RBFOX1: variants seen among roughly 807,000 people sequenced by gnomAD.
The protein encoded by RBFOX1 is RNA binding protein fox-1 homolog 1.
A neutral mutation model predicts 57.7 loss-of-function variants in RBFOX1; 8 were observed. The ratio of observed to expected loss-of-function variants is 0.14; its 90% CI spans 0.08 to 0.25. The LOEUF (loss-of-function observed/expected upper bound fraction) is 0.25, where lower values mean the gene tolerates loss of function less well. RBFOX1 is among the 10% of genes least tolerant of loss of function. The pLI is 1.00. For synonymous variants in RBFOX1, 326 were observed against 222.4 expected, an observed-to-expected ratio of 1.47 and a Z score of -4.15; for missense variants, 611 against 548.5, an observed-to-expected ratio of 1.11 and a Z score of -1.14.
chr16:5,874,297 G>A (rs2215260), intron 4 of RBFOX1, among the ~76,000 whole-genome samples: 45,123 of 151,968 alleles, frequency 0.3, 7,105 homozygotes, highest in African/African-American at 0.38. Context: ...TGAAGGAAAG[G>A]CAGGAGTTGG....
chr16:7,622,103 T>C (rs1596665374), intron 10 of RBFOX1, among the ~76,000 whole-genome samples: 1 of 151,986 alleles, frequency 6.6e-6, no homozygotes, highest in Non-Finnish European at 1.5e-5. Flanking sequence ...AGGGGAGCAG[T>C]TGGATTTGGC....
intron 4 of RBFOX1, among the ~76,000 whole-genome samples, chr16:7,438,468 C>T (rs1029084659): frequency 2.0e-5 from 3 of 152,008 alleles, no homozygotes; most frequent in African/African-American, 7.2e-5. Context: ...GGAGAGATGG[C>T]GGGACAATAA....
chr16:5,398,444 C>T (rs1190797065), intron 1 of RBFOX1, among the ~76,000 whole-genome samples: 1 of 151,390 alleles, frequency 6.6e-6, no homozygotes, highest in Non-Finnish European at 1.5e-5. Flanking sequence ...TATGCTTGTG[C>T]TTGTGTGTAT....
At chr16:6,707,414 A>T (rs1243864917) in intron 3 of RBFOX1, among the ~76,000 whole-genome samples, 4 of 151,608 alleles carry the variant, frequency 2.6e-5, no homozygotes, top group African/African-American at 9.7e-5. Context: ...CAGCTCCTAC[A>T]ATTGTCTTCC....
At chr16:7,550,292 C>T (rs557807567) in intron 5 of RBFOX1, among the ~76,000 whole-genome samples, 19 of 151,734 alleles carry the variant, frequency 1.3e-4, no homozygotes, top group East Asian at 5.9e-4. Context: ...CCTTGAGTTC[C>T]GGAGAAGGGA....
At chr16:6,420,703 C>A (rs2093748005) in intron 2 of RBFOX1, among the ~76,000 whole-genome samples, 1 of 152,170 alleles carries the variant, frequency 6.6e-6, no homozygotes, top group Admixed American at 6.5e-5. Context: ...CTAATTATTT[C>A]ATCACCATTC....
chr16:5,918,043 G>A, intron 4 of RBFOX1, among the ~76,000 whole-genome samples: 1 of 152,130 alleles, frequency 6.6e-6, no homozygotes, highest in Non-Finnish European at 1.5e-5. Context: ...TCCTTTCACA[G>A]GTCAAATTCC....
At chr16:6,153,751 G>C (rs2096818362) in intron 1 of RBFOX1, among the ~76,000 whole-genome samples, 1 of 152,068 alleles carries the variant, frequency 6.6e-6, no homozygotes, top group South Asian at 2.1e-4. Context: ...GGCCAGGCTG[G>C]TCTCAAACTC....
intron 2 of RBFOX1, among the ~76,000 whole-genome samples, chr16:6,426,895 G>A (rs1388661485): frequency 1.3e-5 from 2 of 152,154 alleles, no homozygotes; most frequent in Admixed American, 6.5e-5. Flanking sequence ...TGGGGGTCAC[G>A]CTGTCATCCC....
chr16:7,516,200 C>T (rs1038876683), intron 4 of RBFOX1, among the ~76,000 whole-genome samples: 3 of 152,134 alleles, frequency 2.0e-5, no homozygotes, highest in Admixed American at 6.6e-5. Context: ...CTGCCCATCA[C>T]CGTGGAAAGA....
At chr16:7,373,923 T>A (rs2147505358) in intron 4 of RBFOX1, among the ~76,000 whole-genome samples, 1 of 152,352 alleles carries the variant, frequency 6.6e-6, no homozygotes, top group East Asian at 1.9e-4. Context: ...CTTAGGCTCC[T>A]CGTAGCAGCC....
At chr16:5,909,648 A>T (rs2058562250) in intron 4 of RBFOX1, among the ~76,000 whole-genome samples, 1 of 152,090 alleles carries the variant, frequency 6.6e-6, no homozygotes, top group Non-Finnish European at 1.5e-5. Flanking sequence ...GGGCATCTCT[A>T]CCTGAGGTCT....
chr16:6,896,996 G>A (rs1283241931), intron 3 of RBFOX1, among the ~76,000 whole-genome samples: 1 of 152,200 alleles, frequency 6.6e-6, no homozygotes, highest in Non-Finnish European at 1.5e-5. Context: ...GTGGCTAACA[G>A]CAGCAGGGGA....
chr16:5,729,896 C>G (rs181490897), intron 3 of RBFOX1, among the ~76,000 whole-genome samples: 13 of 152,336 alleles, frequency 8.5e-5, no homozygotes, highest in Admixed American at 8.5e-4. Flanking sequence ...GAGCTGCATA[C>G]TGCATCTAAG....
intron 2 of RBFOX1, among the ~76,000 whole-genome samples, chr16:6,652,919 A>C (rs569706424): frequency 6.6e-6 from 1 of 152,238 alleles, no homozygotes; most frequent in African/African-American, 2.4e-5. Flanking sequence ...GTATTTTATC[A>C]CAATAAGGTA....
chr16:7,372,973 C>G (rs887533503), intron 4 of RBFOX1, among the ~76,000 whole-genome samples: 2 of 151,458 alleles, frequency 1.3e-5, no homozygotes, highest in Admixed American at 1.3e-4. Flanking sequence ...GCTCTGTTGC[C>G]CAGGCTGGAG....
chr16:5,888,964 C>A (rs1055754994), intron 4 of RBFOX1, among the ~76,000 whole-genome samples: 3 of 152,142 alleles, frequency 2.0e-5, no homozygotes, highest in African/African-American at 7.2e-5. Context: ...CTGCTGTGGG[C>A]TGTGAGGTTC....
At chr16:5,508,031 G>A (rs912136199) in intron 2 of RBFOX1, among the ~76,000 whole-genome samples, 2 of 152,176 alleles carry the variant, frequency 1.3e-5, no homozygotes, top group African/African-American at 4.8e-5. Flanking sequence ...TCAGGAGTGG[G>A]GAAAAATGTA....
intron 1 of RBFOX1, among the ~76,000 whole-genome samples, chr16:5,411,675 G>T (rs1460090157): frequency 6.6e-6 from 1 of 152,058 alleles, no homozygotes; most frequent in Non-Finnish European, 1.5e-5. Context: ...CGAGGTGGGA[G>T]GATTGCTTGA....
Sources: gnomAD v4.1 joint callset for allele counts (sites outside exome capture counted in the v4.1 genomes callset) on GRCh38, gnomAD v4.1.1 for gene constraint, MANE v1.5 for transcripts, NCBI Gene and HGNC (gene_info 2026-07-23, HGNC 2026-07-21) for gene names.